The following STT3B variants were observed in gnomAD, a reference collection of about 807,000 sequenced individuals.
STT3B encodes the protein dolichyl-diphosphooligosaccharide--protein glycosyltransferase subunit STT3B.
A neutral mutation model predicts 96.8 loss-of-function variants in STT3B; 29 were observed. That is an observed-to-expected ratio of 0.30 (90% confidence interval 0.22 to 0.41). The LOEUF is 0.41. Ranked by LOEUF, STT3B falls within the 10% of genes least tolerant of loss-of-function variation. The pLI, the probability that STT3B is intolerant of heterozygous loss-of-function variation, is 1.00. For missense variants in STT3B, 640 were observed against 1,022.3 expected, an observed-to-expected ratio of 0.63 and a Z score of 5.10; for synonymous variants, 367 against 360.0, an observed-to-expected ratio of 1.02 and a Z score of -0.22.
At chr3:31,534,542 G>A (rs943995721) in intron 1 of STT3B, among the ~76,000 whole-genome samples, 2 of 152,112 alleles carry the variant, frequency 1.3e-5, no homozygotes, top group Non-Finnish European at 2.9e-5. Context: ...CATCATTTGA[G>A]ATTCAAAGAG....
intron 1 of STT3B, among the ~76,000 whole-genome samples, chr3:31,568,150 C>T (rs1435475919): frequency 6.6e-6 from 1 of 151,998 alleles, no homozygotes; most frequent in Non-Finnish European, 1.5e-5. Flanking sequence ...AACATAATGA[C>T]CTCTCCAGTT....
intron 1 of STT3B, among the ~76,000 whole-genome samples, chr3:31,552,991 A>C (rs1436871324): frequency 6.6e-6 from 1 of 151,634 alleles, no homozygotes; most frequent in Non-Finnish European, 1.5e-5. Context: ...AGTCCCAGCT[A>C]CACGGGAGGC....
intron 1 of STT3B, among the ~76,000 whole-genome samples, chr3:31,562,648 G>A (rs960131487): frequency 1.3e-5 from 2 of 152,176 alleles, no homozygotes. Flanking sequence ...TGGCAACTTG[G>A]GGGCGGGGCA....
At position 31,533,316 on chromosome 3, in the gene STT3B, A is replaced by G; in HGVS notation, c.314+4A>G. The G allele has an allele frequency of 6.6e-7, 1 of 1,522,590 alleles. No individual in the cohort carries two copies. The highest frequency in any genetic ancestry group is 8.8e-7 in the Non-Finnish European group (1 of 1,134,740). 94.3% of individuals were successfully genotyped at this position (1,522,590 alleles called of 1,614,324 possible). ...TCATCCACGAGTTCGACCCGTGGTA[A>G]GTGCCTCGCCGCCCCTCCCCCGCCC... On this transcript the variant is annotated splice_donor_region_variant and intron_variant, in intron 1 of 15. Coordinates refer to ENST00000295770, the MANE Select transcript of STT3B (RefSeq NM_178862.3).
chr3:31,595,303 G>C (rs756915645), intron 3 of STT3B, among the ~76,000 whole-genome samples: 3 of 152,202 alleles, frequency 2.0e-5, no homozygotes, highest in Non-Finnish European at 4.4e-5. Context: ...AACTGTGGAT[G>C]AAAGTCCATA....
chr3:31,555,774 TATA>T (rs1282198992), intron 1 of STT3B, among the ~76,000 whole-genome samples: 1 of 152,180 alleles, frequency 6.6e-6, no homozygotes, highest in African/African-American at 2.4e-5. Context: ...TTTATTGATA[TATA>T]ATATTTTACA....
At chr3:31,624,542 A>C (rs1699491705) in intron 11 of STT3B, among the ~76,000 whole-genome samples, 1 of 152,224 alleles carries the variant, frequency 6.6e-6, no homozygotes, top group African/African-American at 2.4e-5. Flanking sequence ...TAGGTGATTC[A>C]GATGCAGCTA....
At chr3:31,586,914 G>T (rs1276197455) in intron 3 of STT3B, among the ~76,000 whole-genome samples, 2 of 152,106 alleles carry the variant, frequency 1.3e-5, no homozygotes, top group East Asian at 1.9e-4. Flanking sequence ...AAGCCTTCTG[G>T]GATGTTGATT....
chr3:31,621,809 A>G (rs1301487443), intron 9 of STT3B, among the ~76,000 whole-genome samples: 1 of 152,184 alleles, frequency 6.6e-6, no homozygotes, highest in African/African-American at 2.4e-5. Context: ...GTTTTTTATG[A>G]TGTTATTGAC....
At chr3:31,583,718 C>A (rs1430067373) in intron 3 of STT3B, among the ~76,000 whole-genome samples, 2 of 152,120 alleles carry the variant, frequency 1.3e-5, no homozygotes, top group Non-Finnish European at 2.9e-5. Context: ...AGTAATTACT[C>A]GTAAAGAGGT....
chr3:31,559,149 GT>G (rs1559365152), intron 1 of STT3B, among the ~76,000 whole-genome samples: 3,010 of 26,618 alleles, frequency 0.11, 47 homozygotes, highest in Non-Finnish European at 0.18. Flanking sequence ...TTCTTGGGGT[GT>G]GTGTGTGTGT....
chr3:31,613,915 A>C (rs1699243852), intron 5 of STT3B, among the ~76,000 whole-genome samples: 1 of 151,952 alleles, frequency 6.6e-6, no homozygotes, highest in Admixed American at 6.6e-5. Context: ...GTCCTCCATT[A>C]GCTTGAGGTC....
In STT3B at chr3:31,636,070, C is replaced by T. The variant is rs766340384; in HGVS notation, c.*6C>T. The T allele has an allele frequency of 1.3e-6, 2 of 1,599,278 alleles. No homozygotes were observed. The highest frequency in any genetic ancestry group is 1.7e-6 in the Non-Finnish European group (2 of 1,172,180). The stretch of plus-strand genomic sequence containing the variant: ...TATCTAAGAAGACTGTTTAAATGCA[C>T]TGTTCTGGTTCCTAACTTGAAGCAG... On this transcript the variant is annotated 3_prime_UTR_variant, in exon 16 of 16. Transcript: ENST00000295770.
chr3:31,597,604 G>GCC (rs1698821027), intron 4 of STT3B, among the ~76,000 whole-genome samples: 1 of 148,688 alleles, frequency 6.7e-6, no homozygotes. Flanking sequence ...CTACAAGCAT[G>GCC]TGCCACCACG....
intron 8 of STT3B, 135 bp downstream of exon 8, chr3:31,618,123 T>G (rs1699349897): frequency 7.3e-6 from 5 of 687,118 alleles, no homozygotes; most frequent in Admixed American, 7.1e-5. Context: ...TTAGTAAATG[T>G]TAAATTCCTT....
At position 31,594,553 on chromosome 3, in the gene STT3B, C is replaced by T. The variant is rs140611665; in HGVS notation, c.712-2245C>T. Among the ~76,000 whole-genome samples the T allele has an allele frequency of 2.6e-4, 39 of 152,184 alleles. 1 individual carries two copies. Among genetic ancestry groups the T allele is most frequent in the African/African-American group, 8.9e-4 (37 of 41,518 alleles). The stretch of plus-strand genomic sequence containing the variant: ...CAAGTGATTCTCCTGCCTCAGCCTC[C>T]TGAGTAGCTGGGATTATAGTCGTGC... On this transcript the variant is annotated intron_variant, in intron 3 of 15. Coordinates refer to ENST00000295770, the MANE Select transcript of STT3B (RefSeq NM_178862.3).
At chr3:31,603,607 G>T (rs1698982215) in intron 5 of STT3B, among the ~76,000 whole-genome samples, 1 of 152,070 alleles carries the variant, frequency 6.6e-6, no homozygotes, top group South Asian at 2.1e-4. Context: ...CAGTAAAACT[G>T]ATGGGATGTG....
intron 1 of STT3B, among the ~76,000 whole-genome samples, chr3:31,545,814 GTT>G (rs11350127): frequency 0.027 from 3,762 of 138,046 alleles, 150 homozygotes; most frequent in African/African-American, 0.087. Context: ...ATTAGGAGTG[GTT>G]TTTTTTTTTT....
At chr3:31,597,195 T>C (rs772394009) in intron 4 of STT3B, among the ~76,000 whole-genome samples, 3 of 152,254 alleles carry the variant, frequency 2.0e-5, no homozygotes, top group Non-Finnish European at 4.4e-5. Context: ...AGTTTTGCCC[T>C]GTTGCCCAGG....
Sources: allele counts gnomAD v4.1 joint callset (sites outside exome capture counted in the v4.1 genomes callset), GRCh38; gene constraint gnomAD v4.1.1; transcripts MANE v1.5; gene names NCBI Gene and HGNC (gene_info 2026-07-23, HGNC 2026-07-21).